ACOXL: variants seen among roughly 807,000 people sequenced by gnomAD.
ACOXL encodes acyl-coenzyme A oxidase-like protein.
Under a neutral mutation model 71.9 loss-of-function variants are expected in ACOXL, and 70 were observed. The observed-to-expected ratio is 0.97, with a 90% CI of 0.80 to 1.19. ACOXL has a LOEUF of 1.19. Among genes scored for constraint, ACOXL ranks in the 50% most tolerant of loss-of-function variants. ACOXL has a pLI of 0.00. For missense variants in ACOXL, 703 were observed against 736.3 expected (o/e 0.95, Z 0.52); for synonymous variants, 253 against 281.6 (o/e 0.90, Z 1.02).
chr2:110,830,151 T>C (rs1351522951), intron 9 of ACOXL, among the ~76,000 whole-genome samples: 1 of 152,256 alleles, frequency 6.6e-6, no homozygotes, highest in Non-Finnish European at 1.5e-5. Flanking sequence ...AAAATAATTA[T>C]TCACTAATAT....
At chr2:110,825,924 G>A (rs1378872569) in intron 9 of ACOXL, among the ~76,000 whole-genome samples, 1 of 152,176 alleles carries the variant, frequency 6.6e-6, no homozygotes, top group East Asian at 1.9e-4. Flanking sequence ...GCAGGAGGAA[G>A]GTGTGGAGGA....
chr2:110,940,280 T>G (rs936994100), intron 12 of ACOXL, among the ~76,000 whole-genome samples: 7 of 152,058 alleles, frequency 4.6e-5, no homozygotes, highest in Admixed American at 3.3e-4. Flanking sequence ...ACAGAAAGGG[T>G]CTTGCTATAT....
At chr2:110,749,199 A>G (rs1678611083) in intron 1 of ACOXL, among the ~76,000 whole-genome samples, 1 of 152,256 alleles carries the variant, frequency 6.6e-6, no homozygotes, top group Non-Finnish European at 1.5e-5. Flanking sequence ...AAAACCATGC[A>G]CAAAGACTGT....
At chr2:111,078,771 T>C (rs530752128) in intron 16 of ACOXL, among the ~76,000 whole-genome samples, 28 of 152,360 alleles carry the variant, frequency 1.8e-4, no homozygotes, top group African/African-American at 6.7e-4. Flanking sequence ...CTGAAAAATA[T>C]TGGATTATTT....
rs765358291 is a variant in ACOXL, at chr2:110,963,600, TGTG to T, written c.1060-23507_1060-23505del. The stretch of plus-strand genomic sequence containing the variant: ...GTGTGTGTGTGTGTGTGTGTGTGTG[TGTG>T]TTTTTCTCTTTCTGCAACAGGGTTA... On this transcript the variant is annotated intron_variant, in intron 12 of 17. Transcript: ENST00000439055. 8.0e-5 allele frequency: 103 copies of T among 1,288,468 alleles called. 1 individual carries two copies. The East Asian group carries it at 2.2e-3, about 28-fold the overall frequency. The allele number at this position is 1,288,468 out of a possible 1,614,324, so 79.8% of individuals were successfully genotyped here.
intron 9 of ACOXL, among the ~76,000 whole-genome samples, chr2:110,823,959 A>C (rs1459172130): frequency 6.6e-6 from 1 of 152,100 alleles, no homozygotes; most frequent in Non-Finnish European, 1.5e-5. Flanking sequence ...AGAAGTTTTT[A>C]ATTTTAATAA....
rs1386487014 is a variant in ACOXL at position 111,117,652 on chromosome 2, C to G, written c.1579C>G (p.Arg527Gly). 2 of 1,551,764 alleles carry G rather than the reference C, an allele frequency of 1.3e-6. No individual in the cohort carries two copies. The highest frequency in any genetic ancestry group is 4.9e-5 in the East Asian group (2 of 40,924). ...DLCDSVKDDA[R>G]RVISTFNIPH... is the part of the protein sequence containing the mutation. ...GTGCGACTCGGTGAAGGATGATGCC[C>G]GGAGGGTGATCTCGACCTTTAACAT... Residue 527 changes from arginine (R) to glycine (G), a missense_variant, in exon 18 of 18, where the codon CGG (arginine) becomes GGG (glycine). Transcript: ENST00000439055.
At chr2:110,969,623 C>T (rs2062089774) in intron 12 of ACOXL, among the ~76,000 whole-genome samples, 1 of 151,988 alleles carries the variant, frequency 6.6e-6, no homozygotes. Context: ...CCAGCCTGGG[C>T]AACATGGTAA....
intron 10 of ACOXL, among the ~76,000 whole-genome samples, chr2:110,894,759 A>G (rs776900210): frequency 3.3e-5 from 5 of 152,186 alleles, no homozygotes; most frequent in Admixed American, 1.3e-4. Context: ...CTCTTCAGCA[A>G]TTATGACACT....
At chr2:110,907,448 G>A (rs1041524999) in intron 10 of ACOXL, among the ~76,000 whole-genome samples, 1 of 151,808 alleles carries the variant, frequency 6.6e-6, no homozygotes, top group African/African-American at 2.4e-5. Flanking sequence ...ATTTTTTTTT[G>A]TTATTTTCAC....
intron 12 of ACOXL, among the ~76,000 whole-genome samples, chr2:110,934,525 T>C (rs555818893): frequency 6.6e-6 from 1 of 152,330 alleles, no homozygotes; most frequent in Non-Finnish European, 1.5e-5. Context: ...TGAAGAGTTT[T>C]AGCTTCAGAA....
chr2:110,865,008 G>T (rs373200055), intron 10 of ACOXL, among the ~76,000 whole-genome samples: 2 of 147,030 alleles, frequency 1.4e-5, no homozygotes, highest in African/African-American at 5.0e-5. Context: ...CAGGAAGGCC[G>T]TTGCCTTCCA....
At chr2:110,980,733 G>GCCCTGC (rs1172358577) in intron 12 of ACOXL, among the ~76,000 whole-genome samples, 3 of 152,168 alleles carry the variant, frequency 2.0e-5, no homozygotes, top group Non-Finnish European at 2.9e-5. Flanking sequence ...CTGGTGTCTA[G>GCCCTGC]CCCTGCCCCT....
At chr2:110,849,631 G>A (rs1692355688) in intron 10 of ACOXL, among the ~76,000 whole-genome samples, 1 of 152,146 alleles carries the variant, frequency 6.6e-6, no homozygotes, top group African/African-American at 2.4e-5. Context: ...GGTGGCACGT[G>A]CTTGTAATCC....
rs944567149 is a variant in ACOXL at position 110,887,994 on chromosome 2, A to G, written c.789-20795A>G. ...AATTATTTGAGTAATTTGAATAAAT[A>G]AACATTTTAAGTGATTCCCAAAAGA... On this transcript the variant is annotated intron_variant, in intron 10 of 17. Transcript: ENST00000439055. The G allele has an allele frequency of 2.0e-5, 3 of 152,358 alleles. No homozygotes were observed. The East Asian group carries it at 5.8e-4, about 29-fold the overall frequency. The allele number at this position is 152,358 out of a possible 1,614,324, so 9.4% of individuals were successfully genotyped here.
At chr2:111,078,327 C>T (rs1289589998) in intron 16 of ACOXL, among the ~76,000 whole-genome samples, 13 of 152,062 alleles carry the variant, frequency 8.5e-5, no homozygotes, top group East Asian at 1.9e-4. Flanking sequence ...TGCAATGGCG[C>T]GATGTCAGCT....
chr2:110,957,242 A>G (rs565195099), intron 12 of ACOXL, among the ~76,000 whole-genome samples: 2 of 152,132 alleles, frequency 1.3e-5, no homozygotes, highest in African/African-American at 2.4e-5. Flanking sequence ...TAGAAAGGAG[A>G]ACAATTTCAT....
intron 1 of ACOXL, among the ~76,000 whole-genome samples, chr2:110,734,459 T>C (rs1037364740): frequency 2.0e-5 from 3 of 152,018 alleles, no homozygotes; most frequent in Non-Finnish European, 2.9e-5. Flanking sequence ...TTAGTAGAGA[T>C]GGGGTTTCAC....
At chr2:110,919,083 A>T (rs2059969025) in intron 11 of ACOXL, among the ~76,000 whole-genome samples, 1 of 136,380 alleles carries the variant, frequency 7.3e-6, no homozygotes, top group African/African-American at 2.6e-5. Flanking sequence ...AAGTCATTCT[A>T]CTATAAAGAC....
Sources: allele counts gnomAD v4.1 joint callset (sites outside exome capture counted in the v4.1 genomes callset), GRCh38; gene constraint gnomAD v4.1.1; transcripts MANE v1.5; gene names NCBI Gene and HGNC (gene_info 2026-07-23, HGNC 2026-07-21).